CCDC83: variants seen among roughly 807,000 people sequenced by gnomAD.
The protein encoded by CCDC83 is coiled-coil domain-containing protein 83.
Under a neutral mutation model 50.1 loss-of-function variants are expected in CCDC83, and 54 were observed. The observed-to-expected ratio is 1.08, with a 90% CI of 0.87 to 1.35. CCDC83 has a LOEUF of 1.35. Among genes scored for constraint, CCDC83 ranks in the 40% most tolerant of loss-of-function variants. The pLI is 0.00. For missense variants in CCDC83, 518 were observed against 473.9 expected, an observed-to-expected ratio of 1.09 and a Z score of -0.86; for synonymous variants, 161 against 153.3, an observed-to-expected ratio of 1.05 and a Z score of -0.37.
chr11:85,871,096 G>T (rs1205867112), intron 2 of CCDC83, among the ~76,000 whole-genome samples: 1 of 152,172 alleles, frequency 6.6e-6, no homozygotes, highest in Non-Finnish European at 1.5e-5. Flanking sequence ...GAACCTGGGA[G>T]GGGGAGTTTG....
intron 7 of CCDC83, among the ~76,000 whole-genome samples, chr11:85,900,357 T>C (rs2093395375): frequency 6.6e-6 from 1 of 152,200 alleles, no homozygotes. Context: ...CAAAGGTTTC[T>C]AGTGTAGACC....
chr11:85,872,156 T>C (rs531360169), intron 2 of CCDC83, among the ~76,000 whole-genome samples: 1 of 152,084 alleles, frequency 6.6e-6, no homozygotes, highest in Non-Finnish European at 1.5e-5. Flanking sequence ...TTTTGCCATG[T>C]TGGCCAGCCT....
chr11:85,895,605 G>A (rs957214483), intron 6 of CCDC83, among the ~76,000 whole-genome samples: 4 of 152,124 alleles, frequency 2.6e-5, no homozygotes, highest in African/African-American at 9.7e-5. Context: ...ACCTAAGAAC[G>A]TGGATTCTGA....
intron 8 of CCDC83, among the ~76,000 whole-genome samples, chr11:85,914,499 C>T (rs529256437): frequency 6.6e-6 from 1 of 152,296 alleles, no homozygotes; most frequent in Admixed American, 6.5e-5. Flanking sequence ...TAAGCAAAAG[C>T]CAGGACCTAG....
intron 10 of CCDC83, 129 bp from the exon 11 acceptor site, chr11:85,919,220 G>C (rs2093497131): frequency 1.3e-6 from 1 of 798,960 alleles, no homozygotes; most frequent in Admixed American, 2.7e-5. Flanking sequence ...GTGCTACACA[G>C]CATCAGGCAA....
At chr11:85,888,507 T>C (rs1022104708) in intron 5 of CCDC83, among the ~76,000 whole-genome samples, 2 of 152,236 alleles carry the variant, frequency 1.3e-5, no homozygotes, top group African/African-American at 4.8e-5. Context: ...CTCTTTACAT[T>C]TTAAAAAAAT....
Position 85,919,534 on chromosome 11 carries a change from C to A in CCDC83, c.*24C>A. ...AAGACGGAAAGCTGCAAAGGAAACA[C>A]AACTTTTCCTTATAAATGTTCTTTG... is the stretch of plus-strand genomic sequence containing the variant. On this transcript the variant is annotated 3_prime_UTR_variant, in exon 11 of 11. Coordinates refer to ENST00000342404, the MANE Select transcript of CCDC83 (RefSeq NM_001286159.2). The A allele has an allele frequency of 6.4e-7, 1 of 1,557,894 alleles. No homozygotes were observed. The highest frequency in any genetic ancestry group is 2.3e-5 in the East Asian group (1 of 44,174).
chr11:85,886,320 T>C lies in CCDC83; in HGVS notation c.464T>C (p.Leu155Ser). ...CGACATGCTAAACTCATTACCTCCT[T>C]ACAAAATGACATCAACACAGTTAAA... ...SERHAKLITSLQNDINTVKEN... is the reference protein window; with the variant it reads ...SERHAKLITSSQNDINTVKEN... Residue 155 changes from leucine to serine, a missense_variant, in exon 5 of 11, where the codon TTA becomes TCA. Coordinates refer to ENST00000342404, the MANE Select transcript of CCDC83 (RefSeq NM_001286159.2). The C allele has an allele frequency of 6.2e-7, 1 of 1,609,210 alleles. No individual in the cohort carries two copies.
At chr11:85,898,719 C>T (rs1304188126) in intron 6 of CCDC83, among the ~76,000 whole-genome samples, 1 of 152,170 alleles carries the variant, frequency 6.6e-6, no homozygotes, top group Non-Finnish European at 1.5e-5. Flanking sequence ...TGGTCAGTTA[C>T]ACATTGTCCA....
chr11:85,860,301 C>CAAAA (rs56657675), intron 1 of CCDC83, among the ~76,000 whole-genome samples: 26 of 55,514 alleles, frequency 4.7e-4, no homozygotes, highest in African/African-American at 7.4e-4. Context: ...GACTCCGTCT[C>CAAAA]AAAAAAAAAA....
chr11:85,894,080 G>A (rs2093361922), intron 5 of CCDC83, among the ~76,000 whole-genome samples: 1 of 152,092 alleles, frequency 6.6e-6, no homozygotes, highest in African/African-American at 2.4e-5. Flanking sequence ...GAAATAAAGT[G>A]CATATGTAAT....
At chr11:85,907,922 T>A (rs920282042) in intron 7 of CCDC83, among the ~76,000 whole-genome samples, 1 of 152,214 alleles carries the variant, frequency 6.6e-6, no homozygotes, top group East Asian at 1.9e-4. Context: ...AAATGTTGCA[T>A]TAATTCCTTC....
chr11:85,865,823 C>T (rs981201834), intron 2 of CCDC83, among the ~76,000 whole-genome samples: 2 of 150,920 alleles, frequency 1.3e-5, no homozygotes, highest in South Asian at 2.1e-4. Context: ...AGGAGGCAGA[C>T]GTTGCAGTGA....
At chr11:85,906,071 T>C (rs909597534) in intron 7 of CCDC83, among the ~76,000 whole-genome samples, 2 of 151,252 alleles carry the variant, frequency 1.3e-5, no homozygotes, top group Admixed American at 6.6e-5. Flanking sequence ...AACAATTCTC[T>C]CTTTTTTTTT....
chr11:85,891,157 C>A (rs779128668), intron 5 of CCDC83, among the ~76,000 whole-genome samples: 26 of 152,174 alleles, frequency 1.7e-4, no homozygotes, highest in Non-Finnish European at 7.3e-5. Flanking sequence ...CTTCTACTTC[C>A]CACAGAACAG....
intron 7 of CCDC83, among the ~76,000 whole-genome samples, chr11:85,900,467 C>A (rs1359403993): frequency 6.6e-6 from 1 of 152,124 alleles, no homozygotes; most frequent in Non-Finnish European, 1.5e-5. Context: ...TTGGGATTTG[C>A]CAGTTCACAC....
chr11:85,862,690 C>T (rs1259747091), intron 1 of CCDC83, among the ~76,000 whole-genome samples: 1 of 152,152 alleles, frequency 6.6e-6, no homozygotes, highest in Admixed American at 6.5e-5. Context: ...CTAGGATTCT[C>T]ACCCTTTACT....
chr11:85,885,722 A>T (rs951934900), intron 4 of CCDC83, among the ~76,000 whole-genome samples: 12 of 152,240 alleles, frequency 7.9e-5, no homozygotes. Flanking sequence ...AAATAAATGA[A>T]CTTTAGATGA....
intron 5 of CCDC83, among the ~76,000 whole-genome samples, chr11:85,889,278 G>C (rs1430344368): frequency 1.3e-5 from 2 of 152,232 alleles, no homozygotes; most frequent in East Asian, 3.8e-4. Flanking sequence ...CCTGAGCCTA[G>C]TAGGCAGAGG....
Sources: allele counts gnomAD v4.1 joint callset (sites outside exome capture counted in the v4.1 genomes callset), GRCh38; gene constraint gnomAD v4.1.1; transcripts MANE v1.5; gene names NCBI Gene and HGNC (gene_info 2026-07-23, HGNC 2026-07-21).